Variants in RYR2 observed in about 807,000 individuals in gnomAD.
The protein encoded by RYR2 is ryanodine receptor 2.
RYR2 carries 227 observed loss-of-function variants against 601.1 expected under a neutral mutation model. That is an observed-to-expected ratio of 0.38 (90% confidence interval 0.34 to 0.42). The LOEUF is 0.42. Among genes scored for constraint, RYR2 ranks in the 10% least tolerant of loss-of-function variants. RYR2 has a pLI of 1.00. For missense variants in RYR2, 4,646 were observed against 6,156.5 expected, an observed-to-expected ratio of 0.75 and a Z score of 8.21; for synonymous variants, 2,223 against 2,175.1, an observed-to-expected ratio of 1.02 and a Z score of -0.61.
chr1:237,401,225 C>A (rs1222269309), intron 10 of RYR2, among the ~76,000 whole-genome samples: 1 of 152,064 alleles, frequency 6.6e-6, no homozygotes, highest in East Asian at 1.9e-4. Flanking sequence ...CAAAATTAAA[C>A]AGGCTATTTT....
At chr1:237,051,489 A>C (rs999484567) in intron 1 of RYR2, among the ~76,000 whole-genome samples, 2 of 151,874 alleles carry the variant, frequency 1.3e-5, no homozygotes, top group African/African-American at 4.8e-5. Context: ...TTGAGGTTGT[A>C]CAGGGCATTC....
At chr1:237,658,365 C>T (rs1683450222) in intron 54 of RYR2, among the ~76,000 whole-genome samples, 1 of 152,024 alleles carries the variant, frequency 6.6e-6, no homozygotes, top group Non-Finnish European at 1.5e-5. Flanking sequence ...TCAGAATTCA[C>T]CTTTTAAGGA....
At chr1:237,278,470 C>T (rs1690530583) in intron 2 of RYR2, among the ~76,000 whole-genome samples, 1 of 151,844 alleles carries the variant, frequency 6.6e-6, no homozygotes, top group African/African-American at 2.4e-5. Flanking sequence ...AATATGTGCT[C>T]AGTCCCAGGA....
At chr1:237,565,211 CTTTCTTTCTTTCTT>C (rs1671927792) in intron 27 of RYR2, among the ~76,000 whole-genome samples, 6 of 76,466 alleles carry the variant, frequency 7.8e-5, no homozygotes, top group Admixed American at 2.9e-4. Flanking sequence ...TTCTTTCTTT[CTTTCTTTCTTTCTT>C]TTGTCTTTCT....
At chr1:237,748,216 C>T (rs1160422550) in intron 80 of RYR2, among the ~76,000 whole-genome samples, 5 of 152,210 alleles carry the variant, frequency 3.3e-5, no homozygotes, top group African/African-American at 4.8e-5. Flanking sequence ...GAGCTGATCA[C>T]AGCTGTTCAG....
chr1:237,754,639 G>T (rs536415314), intron 80 of RYR2, among the ~76,000 whole-genome samples: 28 of 152,300 alleles, frequency 1.8e-4, no homozygotes, highest in African/African-American at 6.7e-4. Flanking sequence ...CTCACAAAAG[G>T]AGCTGGTTAA....
intron 2 of RYR2, among the ~76,000 whole-genome samples, chr1:237,272,038 A>C (rs893926566): frequency 1.3e-5 from 2 of 152,076 alleles, no homozygotes; most frequent in African/African-American, 4.8e-5. Flanking sequence ...GCTGAGGCAC[A>C]AGAATCCCTT....
intron 27 of RYR2, among the ~76,000 whole-genome samples, chr1:237,557,925 T>C (rs1210312485): frequency 6.6e-6 from 1 of 152,168 alleles, no homozygotes. Flanking sequence ...TCAACACATA[T>C]ACCAGGATTC....
chr1:237,272,206 A>G (rs1689758444), intron 2 of RYR2, among the ~76,000 whole-genome samples: 1 of 152,090 alleles, frequency 6.6e-6, no homozygotes, highest in African/African-American at 2.4e-5. Flanking sequence ...TTCTGGAGTA[A>G]CCTTGGCCCT....
At chr1:237,726,038 T>C (rs1221279375) in intron 74 of RYR2, among the ~76,000 whole-genome samples, 4 of 152,054 alleles carry the variant, frequency 2.6e-5, no homozygotes, top group East Asian at 3.9e-4. Flanking sequence ...AAGAAGATGA[T>C]TGAAGTGGAT....
At chr1:237,143,578 T>A (rs1673625538) in intron 1 of RYR2, among the ~76,000 whole-genome samples, 1 of 152,154 alleles carries the variant, frequency 6.6e-6, no homozygotes, top group Admixed American at 6.5e-5. Flanking sequence ...GAACTTACCG[T>A]GTAGAGTTCC....
chr1:237,795,240 T>G, intron 95 of RYR2, 49 bp from the exon 96 acceptor site: 1 of 874,400 alleles, frequency 1.1e-6, no homozygotes, highest in Admixed American at 3.1e-5. Context: ...ATGTTATTAT[T>G]TGTCATTAAA....
At chr1:237,687,781 G>C (rs114312482) in intron 63 of RYR2, among the ~76,000 whole-genome samples, 1 of 152,154 alleles carries the variant, frequency 6.6e-6, no homozygotes, top group Non-Finnish European at 1.5e-5. Context: ...AGGCTGTGCC[G>C]TATTTTATCT....
chr1:237,470,755 G>T (rs1660626970), intron 17 of RYR2, among the ~76,000 whole-genome samples: 1 of 152,042 alleles, frequency 6.6e-6, no homozygotes, highest in South Asian at 2.1e-4. Context: ...AGAAAATTAA[G>T]GACATGGACA....
At chr1:237,094,297 C>T (rs962251268) in intron 1 of RYR2, among the ~76,000 whole-genome samples, 3 of 152,136 alleles carry the variant, frequency 2.0e-5, no homozygotes, top group Admixed American at 6.5e-5. Flanking sequence ...TCAGTTGTAC[C>T]GTAGTTACAC....
intron 101 of RYR2, among the ~76,000 whole-genome samples, chr1:237,827,936 C>CAAAAA (rs58421624): frequency 1.4e-4 from 10 of 69,320 alleles, no homozygotes; most frequent in Non-Finnish European, 3.0e-4. Flanking sequence ...GACTCCGTCT[C>CAAAAA]AAAAAAAAAA....
At chr1:237,579,253 T>C (rs865800041) in intron 29 of RYR2, among the ~76,000 whole-genome samples, 30,094 of 124,256 alleles carry the variant, frequency 0.24, 2,844 homozygotes, top group East Asian at 0.52. Context: ...TTCTTCTTTT[T>C]TTTTTTTTTT....
At chr1:237,825,176 T>C (rs1043117472) in intron 101 of RYR2, among the ~76,000 whole-genome samples, 5 of 152,162 alleles carry the variant, frequency 3.3e-5, no homozygotes, top group East Asian at 1.9e-4. Context: ...TTAAATTTCA[T>C]GTGGAACCAA....
intron 98 of RYR2, among the ~76,000 whole-genome samples, chr1:237,804,177 TG>T (rs1247140820): frequency 1.3e-5 from 2 of 151,942 alleles, no homozygotes; most frequent in Non-Finnish European, 2.9e-5. Context: ...CAAGTTCCTG[TG>T]GGGTACACAA....
Sources: gnomAD v4.1 joint callset for allele counts (sites outside exome capture counted in the v4.1 genomes callset) on GRCh38, gnomAD v4.1.1 for gene constraint, MANE v1.5 for transcripts, NCBI Gene and HGNC (gene_info 2026-07-23, HGNC 2026-07-21) for gene names.